Variants in DNAAF4 observed in about 807,000 individuals in gnomAD.
DNAAF4 encodes dynein axonemal assembly factor 4, also known as dynein assembly factor 4, axonemal.
A neutral mutation model predicts 51.8 loss-of-function variants in DNAAF4; 43 were observed. That is an observed-to-expected ratio of 0.83 (90% CI 0.65 to 1.07). DNAAF4 has a LOEUF of 1.07. Among genes scored for constraint, DNAAF4 ranks in the 50% least tolerant of loss-of-function variants. DNAAF4 has a pLI of 0.00. For synonymous variants in DNAAF4, 194 were observed against 165.6 expected, an observed-to-expected ratio of 1.17 and a Z score of -1.32; for missense variants, 581 against 493.0, an observed-to-expected ratio of 1.18 and a Z score of -1.69.
intron 3 of DNAAF4, among the ~76,000 whole-genome samples, chr15:55,492,154 A>C (rs2058582977): frequency 6.6e-6 from 1 of 151,874 alleles, no homozygotes; most frequent in South Asian, 2.1e-4. Context: ...ACCACGCAAG[A>C]TCTCACAGTT....
At chr15:55,465,508 C>A (rs919615096) in intron 5 of DNAAF4, among the ~76,000 whole-genome samples, 1 of 150,044 alleles carries the variant, frequency 6.7e-6, no homozygotes, top group Non-Finnish European at 1.5e-5. Context: ...GAGTTGGAGA[C>A]GATTATGCTA....
At chr15:55,466,174 G>T (rs2058168766) in intron 5 of DNAAF4, among the ~76,000 whole-genome samples, 1 of 152,192 alleles carries the variant, frequency 6.6e-6, no homozygotes, top group African/African-American at 2.4e-5. Context: ...CACAATCTCA[G>T]CACTTTGGGA....
intron 1 of DNAAF4, among the ~76,000 whole-genome samples, chr15:55,503,921 C>T (rs2058712883): frequency 6.6e-6 from 1 of 152,110 alleles, no homozygotes; most frequent in African/African-American, 2.4e-5. Flanking sequence ...GAAGTTCTGG[C>T]CAGGGCAATC....
chr15:55,468,595 C>T (rs950345524), intron 4 of DNAAF4, among the ~76,000 whole-genome samples: 2 of 152,170 alleles, frequency 1.3e-5, no homozygotes, highest in African/African-American at 4.8e-5. Flanking sequence ...GACGACTTCA[C>T]CCAGCCTAAT....
In DNAAF4 at chr15:55,446,978, A is replaced by T. The variant is rs1224523039; in HGVS notation, c.783+3244T>A. 1.2e-4 allele frequency among the ~76,000 whole-genome samples: 16 copies of T among 133,860 alleles called. 1 individual carries two copies. Among genetic ancestry groups the T allele is most frequent in the African/African-American group, 4.7e-4 (16 of 34,402 alleles). 87.8% of individuals were successfully genotyped at this position (133,860 alleles called of 152,430 possible). On this transcript the variant is annotated intron_variant, in intron 6 of 9. Coordinates refer to ENST00000321149, the MANE Select transcript of DNAAF4 (RefSeq NM_130810.4). ...GGGCGGCCGGGCAGAGGCGCTCCCC[A>T]CTTCCCAGACGGGGCAGCTGGGCAG...
intron 5 of DNAAF4, among the ~76,000 whole-genome samples, chr15:55,462,587 C>T (rs2058108379): frequency 6.7e-6 from 1 of 149,782 alleles, no homozygotes; most frequent in Admixed American, 6.7e-5. Context: ...AATCATTCTA[C>T]AACGCCAGTA....
At chr15:55,427,240 G>T (rs1473509899), downstream of DNAAF4, among the ~76,000 whole-genome samples, 1 of 151,836 alleles carries the variant, frequency 6.6e-6, no homozygotes, top group African/African-American at 2.4e-5. Flanking sequence ...TGATTTTTTT[G>T]TTTTTTTAGT....
At position 55,503,570 on chromosome 15, in the gene DNAAF4, T is replaced by C. The variant is rs535590223; in HGVS notation, c.-256+4552A>G. On this transcript the variant is annotated intron_variant, in intron 1 of 9. Transcript: ENST00000321149. ...ATCCAGCAGCACCTCAGAAAGCTTA[T>C]CCACCACGATCAAGTCGGCTCCATC... Among the ~76,000 whole-genome samples the C allele has an allele frequency of 5.7e-4, 87 of 152,286 alleles. 1 individual carries two copies. The highest frequency in any genetic ancestry group is 5.0e-3 in the South Asian group (24 of 4,822).
At chr15:55,447,127 T>C (rs1595904678) in intron 6 of DNAAF4, among the ~76,000 whole-genome samples, 3 of 126,070 alleles carry the variant, frequency 2.4e-5, no homozygotes, top group Non-Finnish European at 4.8e-5. Context: ...GAGGCACTCC[T>C]CACTTCCCAG....
Position 55,491,069 on chromosome 15 carries a change from C to T in DNAAF4, c.405+54G>A, listed in dbSNP as rs567876245. On this transcript the variant is annotated intron_variant, in intron 4 of 9. Transcript: ENST00000321149. ...TCCAGCAGCTGGAACTCACTATCCTCACATAGTCTACTATTATCTCTTTAG... is the reference window on the plus strand; with the variant it reads ...TCCAGCAGCTGGAACTCACTATCCTTACATAGTCTACTATTATCTCTTTAG... The T allele has an allele frequency of 2.1e-4, 338 of 1,601,180 alleles. No homozygotes were observed. In the African/African-American group the frequency reaches 4.1e-3, roughly 19 times the overall value.
chr15:55,436,031 G>T (rs998388029), intron 7 of DNAAF4, among the ~76,000 whole-genome samples: 1 of 152,130 alleles, frequency 6.6e-6, no homozygotes, highest in Non-Finnish European at 1.5e-5. Context: ...CAGGTGATCT[G>T]CCCGCTTCGG....
intron 1 of DNAAF4, among the ~76,000 whole-genome samples, chr15:55,507,847 A>G (rs2058734653): frequency 6.6e-6 from 1 of 152,166 alleles, no homozygotes; most frequent in African/African-American, 2.4e-5. Flanking sequence ...ATTAAATTAA[A>G]ACAATAAATA....
At chr15:55,419,402 T>G (rs7168202) in intron 7 of DNAAF4, among the ~76,000 whole-genome samples, 53,055 of 149,260 alleles carry the variant, frequency 0.36, 10,514 homozygotes, top group Non-Finnish European at 0.47. Flanking sequence ...ATTTGTGGGG[T>G]GTGTGTGTGT....
At chr15:55,423,196 T>TATAGC (rs1478482922) in intron 7 of DNAAF4, among the ~76,000 whole-genome samples, 4 of 148,880 alleles carry the variant, frequency 2.7e-5, no homozygotes, top group African/African-American at 9.9e-5. Context: ...TATGATATAA[T>TATAGC]ATAGCATATT....
chr15:55,506,977 G>A (rs1463779579), intron 1 of DNAAF4, among the ~76,000 whole-genome samples: 1 of 152,064 alleles, frequency 6.6e-6, no homozygotes, highest in African/African-American at 2.4e-5. Context: ...AGCCTCCTGA[G>A]TAGCTGGGAT....
chr15:55,491,282 T>C, intron 3 of DNAAF4, 26 bp from the exon 4 acceptor site: 3 of 1,588,690 alleles, frequency 1.9e-6, no homozygotes, highest in Non-Finnish European at 2.6e-6. Flanking sequence ...TATTGCTAAA[T>C]TAGAATTATG....
At chr15:55,470,359 C>T (rs563130261) in intron 4 of DNAAF4, among the ~76,000 whole-genome samples, 1 of 151,870 alleles carries the variant, frequency 6.6e-6, no homozygotes, top group Admixed American at 6.6e-5. Flanking sequence ...GCCATATTTA[C>T]CCATTTTTAA....
At chr15:55,475,476 T>C (rs2058323847) in intron 4 of DNAAF4, among the ~76,000 whole-genome samples, 1 of 152,140 alleles carries the variant, frequency 6.6e-6, no homozygotes, top group Admixed American at 6.6e-5. Context: ...AGCCTGGCAA[T>C]TTTACTGGCT....
intron 4 of DNAAF4, among the ~76,000 whole-genome samples, chr15:55,481,122 A>G (rs960309587): frequency 4.6e-5 from 7 of 152,282 alleles, no homozygotes; most frequent in South Asian, 4.1e-4. Flanking sequence ...CTGTGACTCA[A>G]TGAAAACTCT....
Sources: gnomAD v4.1 joint callset for allele counts (sites outside exome capture counted in the v4.1 genomes callset) on GRCh38, gnomAD v4.1.1 for gene constraint, MANE v1.5 for transcripts, NCBI Gene and HGNC (gene_info 2026-07-23, HGNC 2026-07-21) for gene names.